PTPRG: variants seen among roughly 807,000 people sequenced by gnomAD.
PTPRG encodes receptor-type tyrosine-protein phosphatase gamma.
In PTPRG, 102 loss-of-function variants were observed where a neutral mutation model predicts 165.3. That is an observed-to-expected ratio of 0.62 (90% CI 0.53 to 0.73). PTPRG has a LOEUF of 0.73. Among genes scored for constraint, PTPRG ranks in the 30% least tolerant of loss-of-function variants. The probability of loss-of-function intolerance (pLI) is 0.00; values close to 1 mark genes in which losing one functional copy is unlikely to be tolerated. For synonymous variants in PTPRG, 675 were observed against 669.5 expected (o/e 1.01, Z -0.13); for missense variants, 1,866 against 1,861.4 (o/e 1.00, Z -0.05).
At chr3:61,678,129 G>T (rs1452119742) in intron 1 of PTPRG, among the ~76,000 whole-genome samples, 1 of 152,142 alleles carries the variant, frequency 6.6e-6, no homozygotes, top group African/African-American at 2.4e-5. Flanking sequence ...CTCAGCTCGT[G>T]CTGTTTCCAG....
intron 2 of PTPRG, among the ~76,000 whole-genome samples, chr3:61,877,676 A>G (rs1235134228): frequency 6.6e-6 from 1 of 152,242 alleles, no homozygotes; most frequent in African/African-American, 2.4e-5. Context: ...TGCATGCAGA[A>G]GCTTATGATG....
At chr3:61,862,405 G>A (rs933444893) in intron 2 of PTPRG, among the ~76,000 whole-genome samples, 1 of 144,114 alleles carries the variant, frequency 6.9e-6, no homozygotes, top group African/African-American at 2.6e-5. Context: ...TTTTGAGATG[G>A]AATTCCGCTG....
intron 12 of PTPRG, among the ~76,000 whole-genome samples, chr3:62,209,385 T>C (rs1559653406): frequency 6.6e-6 from 1 of 152,206 alleles, no homozygotes; most frequent in Admixed American, 6.5e-5. Context: ...ATGTAAAGTT[T>C]CCTTATTGAA....
chr3:61,899,204 C>T (rs1234351577), intron 2 of PTPRG, among the ~76,000 whole-genome samples: 3 of 152,206 alleles, frequency 2.0e-5, no homozygotes, highest in Non-Finnish European at 1.5e-5. Context: ...CTTACCTACT[C>T]TGCCTAGTGC....
intron 5 of PTPRG, chr3:62,118,530 G>C (rs1451490799): frequency 6.6e-6 from 1 of 152,136 alleles, no homozygotes; most frequent in Non-Finnish European, 1.5e-5. Context: ...TTCTGATCTA[G>C]AAAAAGGAAA....
intron 6 of PTPRG, among the ~76,000 whole-genome samples, chr3:62,142,826 G>A (rs575416379): frequency 2.6e-5 from 4 of 152,262 alleles, no homozygotes; most frequent in Non-Finnish European, 5.9e-5. Flanking sequence ...AACACAAAGG[G>A]CGCCTCACTG....
rs1318812101 is a variant in PTPRG at position 62,011,577 on chromosome 3, T to C, written c.519+8080T>C. Among the ~76,000 whole-genome samples the C allele has an allele frequency of 2.6e-5, 4 of 152,378 alleles. No homozygotes were observed. In the East Asian group the frequency reaches 5.8e-4, roughly 22 times the overall value. On this transcript the variant is annotated intron_variant, in intron 4 of 29. Transcript: ENST00000474889. ...TTGGTTGAAATTTAGTTAATGACTT[T>C]ATTGAAATAAAGATTCCATTTCAGA...
intron 5 of PTPRG, among the ~76,000 whole-genome samples, chr3:62,102,133 A>G (rs1354605154): frequency 1.3e-5 from 2 of 152,034 alleles, no homozygotes; most frequent in Non-Finnish European, 2.9e-5. Flanking sequence ...TCACATGTAA[A>G]CTTCCTGAGG....
intron 2 of PTPRG, among the ~76,000 whole-genome samples, chr3:61,814,632 G>A (rs1165130150): frequency 1.3e-5 from 2 of 151,892 alleles, no homozygotes; most frequent in Non-Finnish European, 2.9e-5. Flanking sequence ...AATGTCAGTA[G>A]TAGCTACCTA....
chr3:62,145,817 G>A (rs1704099079), intron 6 of PTPRG, among the ~76,000 whole-genome samples: 1 of 152,172 alleles, frequency 6.6e-6, no homozygotes, highest in East Asian at 1.9e-4. Flanking sequence ...AGAGATGAGC[G>A]AATGTATCCC....
chr3:61,643,186 C>T (rs912919871), intron 1 of PTPRG, among the ~76,000 whole-genome samples: 1 of 151,928 alleles, frequency 6.6e-6, no homozygotes. Flanking sequence ...GCTACCTGGG[C>T]GGCTGAAAAG....
intron 2 of PTPRG, among the ~76,000 whole-genome samples, chr3:61,778,041 C>T (rs527952868): frequency 6.6e-6 from 1 of 152,210 alleles, no homozygotes; most frequent in African/African-American, 2.4e-5. Context: ...GGAGGCCTGC[C>T]CCATGCCAAG....
chr3:62,006,987 T>A (rs2041312915), intron 4 of PTPRG, among the ~76,000 whole-genome samples: 2 of 152,242 alleles, frequency 1.3e-5, no homozygotes, highest in South Asian at 4.1e-4. Context: ...TGGGAAGTCA[T>A]TCCATCCTCT....
At chr3:61,872,874 C>A (rs2037622426) in intron 2 of PTPRG, among the ~76,000 whole-genome samples, 1 of 152,108 alleles carries the variant, frequency 6.6e-6, no homozygotes, top group Non-Finnish European at 1.5e-5. Context: ...AAATACCCAG[C>A]CTTTTAAAAC....
At position 62,213,302 on chromosome 3, in the gene PTPRG, C is replaced by A. The variant is rs140120719; in HGVS notation, c.2156-5549C>A. On this transcript the variant is annotated intron_variant, in intron 12 of 29. Transcript: ENST00000474889. This position sits in a 1 kb window ranked among gnomAD's most constrained non-coding sequence, Gnocchi z 4.4. ...GATCCAGAGCAGCTTCATAAGCAGG[C>A]AGCCTGTGCACTCACACAGGCCCTG... 1.7e-3 allele frequency among the ~76,000 whole-genome samples: 255 copies of A among 152,256 alleles called. No individual in the cohort carries two copies. The highest frequency in any genetic ancestry group is 5.8e-3 in the African/African-American group (242 of 41,536).
At chr3:62,097,507 G>A (rs1702157006) in intron 5 of PTPRG, among the ~76,000 whole-genome samples, 1 of 151,620 alleles carries the variant, frequency 6.6e-6, no homozygotes. Context: ...ATTGGTGGTG[G>A]GGGGCATATT....
intron 2 of PTPRG, among the ~76,000 whole-genome samples, chr3:61,918,693 G>A (rs2039002924): frequency 1.3e-5 from 2 of 152,146 alleles, no homozygotes; most frequent in South Asian, 4.1e-4. Context: ...GTTTTGAAAG[G>A]GCTGTATTTG....
chr3:61,795,677 G>A (rs1012597515), intron 2 of PTPRG, among the ~76,000 whole-genome samples: 20 of 142,536 alleles, frequency 1.4e-4, no homozygotes, highest in African/African-American at 2.6e-4. Flanking sequence ...AGTGGGAATA[G>A]TATCTACCTT....
chr3:62,065,035 T>C (rs966000975), intron 4 of PTPRG, among the ~76,000 whole-genome samples: 2 of 151,940 alleles, frequency 1.3e-5, no homozygotes, highest in Admixed American at 6.6e-5. Context: ...CCCAGCCTTG[T>C]TTGGAAATTT....
Sources: gnomAD v4.1 joint callset for allele counts (sites outside exome capture counted in the v4.1 genomes callset) on GRCh38, gnomAD v4.1.1 for gene constraint, Gnocchi (gnomAD v3.1) non-coding constraint, MANE v1.5 for transcripts, NCBI Gene and HGNC (gene_info 2026-07-23, HGNC 2026-07-21) for gene names.